CLVS1: variants seen among roughly 807,000 people sequenced by gnomAD.
CLVS1 encodes the protein clavesin-1.
Under a neutral mutation model 33.1 loss-of-function variants are expected in CLVS1, and 10 were observed. The ratio of observed to expected loss-of-function variants is 0.30; its 90% confidence interval spans 0.19 to 0.51. The LOEUF is 0.51. CLVS1 is among the 20% of genes least tolerant of loss of function. The probability of loss-of-function intolerance (pLI) is 0.97; values close to 1 mark genes in which losing one functional copy is unlikely to be tolerated. For synonymous variants in CLVS1, 163 were observed against 166.1 expected (o/e 0.98, Z 0.14); for missense variants, 343 against 433.4 (o/e 0.79, Z 1.85).
chr8:61,230,740 G>T (rs543037838), intron 2 of CLVS1, among the ~76,000 whole-genome samples: 3 of 152,180 alleles, frequency 2.0e-5, no homozygotes, highest in Non-Finnish European at 4.4e-5. Flanking sequence ...TATTTGGGCT[G>T]CTATAACAAA....
intron 2 of CLVS1, among the ~76,000 whole-genome samples, chr8:61,361,969 G>T (rs528678142): frequency 6.6e-6 from 1 of 152,258 alleles, no homozygotes; most frequent in South Asian, 2.1e-4. Flanking sequence ...GGCTGTTGAT[G>T]AAAAATTACT....
the CLVS1 span, among the ~76,000 whole-genome samples, chr8:60,980,710 C>T: frequency 2.5e-4 from 38 of 152,094 alleles, no homozygotes; most frequent in Admixed American, 7.2e-4. Context: ...TGCTTGAACT[C>T]GGGAGGTGGA....
At chr8:61,384,147 A>C (rs924824241) in intron 3 of CLVS1, among the ~76,000 whole-genome samples, 2 of 152,214 alleles carry the variant, frequency 1.3e-5, no homozygotes, top group Non-Finnish European at 2.9e-5. Flanking sequence ...GAATACAGAC[A>C]AAGACAGAGA....
the CLVS1 span, among the ~76,000 whole-genome samples, chr8:60,996,019 G>A: frequency 6.6e-6 from 1 of 152,178 alleles, no homozygotes; most frequent in Non-Finnish European, 1.5e-5. Flanking sequence ...TTGTGGAGTG[G>A]GGGTAGGGGG....
chr8:61,459,913 C>A (rs1817312065), intron 5 of CLVS1, among the ~76,000 whole-genome samples: 1 of 152,192 alleles, frequency 6.6e-6, no homozygotes, highest in Admixed American at 6.5e-5. Flanking sequence ...TTGGCTTGCA[C>A]ATGGCTGCCT....
the CLVS1 span, among the ~76,000 whole-genome samples, chr8:61,018,559 T>G: frequency 6.6e-6 from 1 of 152,238 alleles, no homozygotes. Context: ...TCATGCCACT[T>G]ACCTCATTTG....
intron 2 of CLVS1, among the ~76,000 whole-genome samples, chr8:61,250,634 T>A (rs1396030556): frequency 1.3e-5 from 2 of 152,198 alleles, no homozygotes; most frequent in East Asian, 3.8e-4. Flanking sequence ...GTCCTTCACA[T>A]CCCTTGTAAG....
intron 2 of CLVS1, among the ~76,000 whole-genome samples, chr8:61,326,322 G>A (rs1382390021): frequency 6.6e-6 from 1 of 152,144 alleles, no homozygotes; most frequent in African/African-American, 2.4e-5. Context: ...ACTTTTGGTG[G>A]GTTCACTCAT....
rs755497483 is a variant in CLVS1, at chr8:61,267,848, T to A, written c.-151-31829T>A. On this transcript the variant is annotated intron_variant, in intron 2 of 2. Transcript: ENST00000522621. ...AATTTATTGTAACTATATTGTCATTTTGAGTTAATTTATTTAAGAAAATTC... is the reference window on the plus strand; with the variant it reads ...AATTTATTGTAACTATATTGTCATTATGAGTTAATTTATTTAAGAAAATTC... Among the ~76,000 whole-genome samples, 28 of 152,342 alleles carry A rather than the reference T, an allele frequency of 1.8e-4. No homozygotes were observed. The Middle Eastern group carries it at 0.014, about 74-fold the overall frequency.
the CLVS1 span, among the ~76,000 whole-genome samples, chr8:60,990,115 A>G: frequency 3.1e-5 from 4 of 130,878 alleles, no homozygotes; most frequent in Admixed American, 2.5e-4. Flanking sequence ...ACAGAGCAAG[A>G]CTCCATCTCC....
chr8:61,131,001 G>C (rs1179020084), intron 1 of CLVS1, among the ~76,000 whole-genome samples: 1 of 152,208 alleles, frequency 6.6e-6, no homozygotes, highest in African/African-American at 2.4e-5. Context: ...AGACATGGAT[G>C]TCACGGGCTC....
the CLVS1 span, among the ~76,000 whole-genome samples, chr8:61,030,403 T>C: frequency 6.6e-6 from 1 of 152,094 alleles, no homozygotes. Flanking sequence ...CAAGACTACA[T>C]TTTGCAACAT....
chr8:61,152,606 G>A (rs1314781087), intron 2 of CLVS1, among the ~76,000 whole-genome samples: 4 of 152,120 alleles, frequency 2.6e-5, no homozygotes, highest in African/African-American at 9.7e-5. Flanking sequence ...CATTTAGCTA[G>A]GTCCCGTCCC....
chr8:60,973,512 A>G, the CLVS1 span, among the ~76,000 whole-genome samples: 925 of 152,344 alleles, frequency 6.1e-3, 9 homozygotes, highest in African/African-American at 0.02. Flanking sequence ...ACTGAGGGGC[A>G]TAAGGCAGAA....
chr8:61,163,182 A>C (rs1480859246), intron 2 of CLVS1, among the ~76,000 whole-genome samples: 1 of 152,186 alleles, frequency 6.6e-6, no homozygotes, highest in Non-Finnish European at 1.5e-5. Context: ...GAGACACTGC[A>C]CAGACACCAG....
intron 2 of CLVS1, among the ~76,000 whole-genome samples, chr8:61,314,499 A>G (rs909590252): frequency 2.0e-5 from 3 of 152,238 alleles, no homozygotes; most frequent in Non-Finnish European, 4.4e-5. Flanking sequence ...ACACAAGCAT[A>G]CAAAAGAACT....
intron 2 of CLVS1, among the ~76,000 whole-genome samples, chr8:61,329,886 T>C (rs558402984): frequency 6.6e-6 from 1 of 152,278 alleles, no homozygotes; most frequent in African/African-American, 2.4e-5. Context: ...ATGCACCCAG[T>C]ACTGCCTATT....
chr8:61,451,812 C>CACACAGAGAGAGAG (rs375319471), intron 3 of CLVS1, among the ~76,000 whole-genome samples: 213 of 142,924 alleles, frequency 1.5e-3, no homozygotes, highest in African/African-American at 5.4e-3. Flanking sequence ...CACACACACA[C>CACACAGAGAGAGAG]AGAGAGAGAG....
intron 2 of CLVS1, among the ~76,000 whole-genome samples, chr8:61,197,353 TG>T (rs1807638087): frequency 6.6e-6 from 1 of 152,188 alleles, no homozygotes. Flanking sequence ...GATTTGTTTC[TG>T]GGTTCTCTTG....
Sources: allele counts gnomAD v4.1 joint callset (sites outside exome capture counted in the v4.1 genomes callset), GRCh38; gene constraint gnomAD v4.1.1; transcripts MANE v1.5; gene names NCBI Gene and HGNC (gene_info 2026-07-23, HGNC 2026-07-21).